Variants in OPCML observed in about 807,000 individuals in gnomAD.
OPCML encodes the protein opioid binding protein/cell adhesion molecule like, also known as opioid-binding protein/cell adhesion molecule.
OPCML carries 13 observed loss-of-function variants against 37.8 expected under a neutral mutation model. The observed-to-expected ratio is 0.34, with a 90% CI of 0.22 to 0.55. The LOEUF is 0.55. Ranked by LOEUF, OPCML falls within the 20% of genes least tolerant of loss-of-function variation. The pLI, the probability that OPCML is intolerant of heterozygous loss-of-function variation, is 0.91. For missense variants in OPCML, 341 were observed against 435.6 expected, an observed-to-expected ratio of 0.78 and a Z score of 1.93; for synonymous variants, 176 against 168.8, an observed-to-expected ratio of 1.04 and a Z score of -0.33.
intron 1 of OPCML, among the ~76,000 whole-genome samples, chr11:133,310,116 G>C (rs1943031611): frequency 5.3e-5 from 8 of 152,196 alleles, no homozygotes; most frequent in Admixed American, 5.2e-4. Flanking sequence ...TGAAGAGAAA[G>C]GAGTCTGGAG....
chr11:132,526,963 C>T (rs992548349), intron 4 of OPCML, among the ~76,000 whole-genome samples: 4 of 152,052 alleles, frequency 2.6e-5, no homozygotes, highest in African/African-American at 9.7e-5. Flanking sequence ...TATAGGATTT[C>T]ATGCAAACAA....
chr11:133,508,194 G>C (rs367751462), intron 1 of OPCML, among the ~76,000 whole-genome samples: 5 of 152,274 alleles, frequency 3.3e-5, no homozygotes, highest in South Asian at 4.1e-4. Flanking sequence ...GGAGGTAGCA[G>C]AGAAAGAGTT....
chr11:132,485,516 T>C (rs768436633), intron 4 of OPCML, among the ~76,000 whole-genome samples: 1 of 152,208 alleles, frequency 6.6e-6, no homozygotes, highest in Non-Finnish European at 1.5e-5. Flanking sequence ...ACAGAACTCC[T>C]TCAGGACTGG....
At chr11:132,607,587 A>G (rs1272534903) in intron 3 of OPCML, among the ~76,000 whole-genome samples, 1 of 152,074 alleles carries the variant, frequency 6.6e-6, no homozygotes, top group East Asian at 1.9e-4. Flanking sequence ...CTAGCCTTAA[A>G]CCACCTGCTT....
At chr11:133,109,640 G>A (rs1408436370) in intron 1 of OPCML, among the ~76,000 whole-genome samples, 1 of 152,142 alleles carries the variant, frequency 6.6e-6, no homozygotes, top group Non-Finnish European at 1.5e-5. Context: ...ACTCGACCCA[G>A]GAAGTCCAGC....
At chr11:132,598,173 A>G (rs1385890273) in intron 3 of OPCML, among the ~76,000 whole-genome samples, 1 of 152,152 alleles carries the variant, frequency 6.6e-6, no homozygotes, top group Admixed American at 6.6e-5. Context: ...GTCTTTGCTC[A>G]CCTGGAATTC....
At chr11:132,455,264 G>A (rs1039331885) in intron 4 of OPCML, among the ~76,000 whole-genome samples, 3 of 152,222 alleles carry the variant, frequency 2.0e-5, no homozygotes, top group Non-Finnish European at 4.4e-5. Flanking sequence ...TCTGGTGGGC[G>A]CCTCAGAGAT....
chr11:133,481,516 G>A (rs1157055751), intron 1 of OPCML, among the ~76,000 whole-genome samples: 1 of 152,070 alleles, frequency 6.6e-6, no homozygotes, highest in Admixed American at 6.5e-5. Context: ...TTTAGATAGA[G>A]AAAATAAAAT....
chr11:133,382,380 T>A (rs573273559), intron 1 of OPCML, among the ~76,000 whole-genome samples: 10 of 152,176 alleles, frequency 6.6e-5, no homozygotes, highest in Non-Finnish European at 1.2e-4. Context: ...TTGACCTCAT[T>A]CGTGAGCGAT....
intron 1 of OPCML, among the ~76,000 whole-genome samples, chr11:133,509,265 C>G (rs941098785): frequency 3.9e-5 from 6 of 152,164 alleles, no homozygotes; most frequent in African/African-American, 1.4e-4. Context: ...GTTCGCCTCC[C>G]TGTGTCCATA....
At chr11:132,464,942 A>T (rs1264778103) in intron 4 of OPCML, among the ~76,000 whole-genome samples, 1 of 152,194 alleles carries the variant, frequency 6.6e-6, no homozygotes, top group Non-Finnish European at 1.5e-5. Flanking sequence ...TTAATGTTAC[A>T]GTTTCTGTGT....
chr11:133,407,746 G>A (rs1181379283), intron 1 of OPCML, among the ~76,000 whole-genome samples: 4 of 152,220 alleles, frequency 2.6e-5, no homozygotes, highest in African/African-American at 7.2e-5. Flanking sequence ...TCAGAGAGGA[G>A]GAGAGTGGAC....
At chr11:132,992,618 T>C (rs1439511624) in intron 1 of OPCML, among the ~76,000 whole-genome samples, 1 of 152,056 alleles carries the variant, frequency 6.6e-6, no homozygotes, top group Non-Finnish European at 1.5e-5. Flanking sequence ...ATGAGCAAAC[T>C]AAATGGAAAT....
At chr11:133,315,899 T>C (rs1387010144) in intron 1 of OPCML, among the ~76,000 whole-genome samples, 1 of 152,220 alleles carries the variant, frequency 6.6e-6, no homozygotes, top group East Asian at 1.9e-4. Flanking sequence ...CGACAAATGT[T>C]GTGAGTTTCT....
At chr11:133,139,339 A>G (rs2137156124) in intron 1 of OPCML, among the ~76,000 whole-genome samples, 1 of 152,196 alleles carries the variant, frequency 6.6e-6, no homozygotes, top group South Asian at 2.1e-4. Context: ...GTGTTTACAT[A>G]TCTTAATTAA....
At chr11:132,611,764 A>C (rs1005105098) in intron 3 of OPCML, among the ~76,000 whole-genome samples, 1 of 152,168 alleles carries the variant, frequency 6.6e-6, no homozygotes, top group African/African-American at 2.4e-5. Context: ...ACAAATTCCA[A>C]TGAAAGAAAG....
intron 1 of OPCML, among the ~76,000 whole-genome samples, chr11:133,197,092 C>T (rs949926729): frequency 2.0e-5 from 3 of 152,130 alleles, no homozygotes; most frequent in African/African-American, 4.8e-5. Context: ...TAAGTTTCTC[C>T]CCCAGTGGAA....
intron 1 of OPCML, among the ~76,000 whole-genome samples, chr11:133,145,336 A>G (rs114810786): frequency 1.3e-5 from 2 of 152,298 alleles, no homozygotes; most frequent in African/African-American, 2.4e-5. Context: ...GTTAGATGCA[A>G]TGTTGACTGG....
chr11:132,757,160 A>G (rs1257459952), intron 2 of OPCML, among the ~76,000 whole-genome samples: 1 of 151,964 alleles, frequency 6.6e-6, no homozygotes, highest in Non-Finnish European at 1.5e-5. Flanking sequence ...ATAGTATTCC[A>G]TGGTGCATAT....
Sources: allele counts gnomAD v4.1 joint callset (sites outside exome capture counted in the v4.1 genomes callset), GRCh38; gene constraint gnomAD v4.1.1; transcripts MANE v1.5; gene names NCBI Gene and HGNC (gene_info 2026-07-23, HGNC 2026-07-21).